Variants in REV3L observed in about 807,000 individuals in gnomAD.
REV3L encodes DNA polymerase zeta catalytic subunit.
In REV3L, 69 loss-of-function variants were observed where a neutral mutation model predicts 299.4. That is an observed-to-expected ratio of 0.23 (90% CI 0.19 to 0.28). REV3L has a LOEUF of 0.28. Among genes scored for constraint, REV3L ranks in the 10% least tolerant of loss-of-function variants. The pLI, the probability that REV3L is intolerant of heterozygous loss-of-function variation, is 1.00. For synonymous variants in REV3L, 1,238 were observed against 1,271.4 expected (o/e 0.97, Z 0.56); for missense variants, 3,128 against 3,693.8 (o/e 0.85, Z 3.97).
At chr6:111,410,457 G>C (rs1395311482) in intron 3 of REV3L, among the ~76,000 whole-genome samples, 1 of 152,144 alleles carries the variant, frequency 6.6e-6, no homozygotes, top group Non-Finnish European at 1.5e-5. Flanking sequence ...GACGAGAAAG[G>C]GAAAAATGAC....
At chr6:111,330,644 A>G (rs887847044) in intron 24 of REV3L, among the ~76,000 whole-genome samples, 7 of 152,206 alleles carry the variant, frequency 4.6e-5, no homozygotes, top group Non-Finnish European at 1.0e-4. Flanking sequence ...GCGACAATGG[A>G]ACATATTCTA....
intron 2 of REV3L, chr6:111,412,190 C>A (rs1784318818): frequency 1.0e-6 from 1 of 985,154 alleles, no homozygotes. Flanking sequence ...TCAAGTGCAT[C>A]CTGTGAAAAA....
chr6:111,402,362 C>G (rs1393614721), intron 4 of REV3L, among the ~76,000 whole-genome samples: 1 of 152,134 alleles, frequency 6.6e-6, no homozygotes, highest in Admixed American at 6.6e-5. Context: ...CTGCGGAGGG[C>G]TCCCACCTGC....
At chr6:111,324,976 C>T (rs1774601639) in intron 25 of REV3L, among the ~76,000 whole-genome samples, 1 of 151,780 alleles carries the variant, frequency 6.6e-6, no homozygotes, top group South Asian at 2.1e-4. Flanking sequence ...ATTCTCCTGC[C>T]TCAGCCTCCC....
chr6:111,459,257 C>A (rs1790487956), intron 1 of REV3L, among the ~76,000 whole-genome samples: 1 of 152,042 alleles, frequency 6.6e-6, no homozygotes, highest in Admixed American at 6.6e-5. Flanking sequence ...GGACTCTTAC[C>A]TATCACCATA....
chr6:111,465,756 A>ACAAACAAACAAAAAAAAAAAAC (rs199912630), intron 1 of REV3L, among the ~76,000 whole-genome samples: 13,665 of 146,870 alleles, frequency 0.093, 913 homozygotes, highest in Middle Eastern at 0.17. Context: ...AAAAAAAAAA[A>ACAAACAAACAAAAAAAAAAAAC]AAAAAAAAAA....
intron 17 of REV3L, 80 bp from the exon 18 acceptor site, chr6:111,357,205 C>T (rs888610728): frequency 4.4e-6 from 2 of 457,388 alleles, no homozygotes; most frequent in Non-Finnish European, 7.0e-6. Context: ...ATATTATCCT[C>T]TACTTTTAAG....
intron 21 of REV3L, among the ~76,000 whole-genome samples, chr6:111,340,669 AGTCAGACTTATTTTTTT>A (rs1776388300): frequency 6.6e-6 from 1 of 152,166 alleles, no homozygotes; most frequent in South Asian, 2.1e-4. Context: ...CAAAAAAGTA[AGTCAGACTTATTTTTTT>A]GTATTCACTT....
intron 30 of REV3L, chr6:111,307,815 A>T (rs1772498198): frequency 2.2e-6 from 1 of 461,542 alleles, no homozygotes. Context: ...TTATTATTAT[A>T]ATTTAAGTTC....
At chr6:111,352,000 GTTTCTTTC>G (rs750894614) in intron 18 of REV3L, among the ~76,000 whole-genome samples, 1 of 151,042 alleles carries the variant, frequency 6.6e-6, no homozygotes, top group Non-Finnish European at 1.5e-5. Flanking sequence ...AAGCTACTTT[GTTTCTTTC>G]TTTCTTTTTT....
At chr6:111,333,862 T>C (rs1775646396) in intron 22 of REV3L, among the ~76,000 whole-genome samples, 1 of 152,254 alleles carries the variant, frequency 6.6e-6, no homozygotes, top group South Asian at 2.1e-4. Flanking sequence ...TTATAAAAAC[T>C]ATAAAACATG....
rs542454254 is a variant in REV3L, at chr6:111,478,248, A to G, written c.139+4502T>C. On this transcript the variant is annotated intron_variant, in intron 1 of 31. Transcript: ENST00000368802. ...TGAATCCTTGCTTTGTCTTATACAC[A>G]TTTCTATAGTCCAGTCATACTGCAT... Among the ~76,000 whole-genome samples, 11 of 152,266 alleles carry G rather than the reference A, an allele frequency of 7.2e-5. No individual in the cohort carries two copies. The East Asian group carries it at 2.1e-3, about 29-fold the overall frequency.
chr6:111,442,508 A>C (rs1460236411), intron 1 of REV3L, among the ~76,000 whole-genome samples: 1 of 152,134 alleles, frequency 6.6e-6, no homozygotes, highest in Non-Finnish European at 1.5e-5. Context: ...CCACTGTTTT[A>C]CTTTCAAACT....
chr6:111,474,168 ATT>A (rs1441333088), intron 1 of REV3L, among the ~76,000 whole-genome samples: 1 of 152,202 alleles, frequency 6.6e-6, no homozygotes, highest in East Asian at 1.9e-4. Context: ...AAAACCAAAC[ATT>A]TTCACATCAA....
chr6:111,470,144 T>C (rs1369679950), intron 1 of REV3L, among the ~76,000 whole-genome samples: 1 of 150,322 alleles, frequency 6.7e-6, no homozygotes, highest in African/African-American at 2.4e-5. Flanking sequence ...AAAAAAAAAA[T>C]GGGTTAAGAG....
chr6:111,477,021 TC>T (rs1180283551), intron 1 of REV3L, among the ~76,000 whole-genome samples: 8 of 152,238 alleles, frequency 5.3e-5, no homozygotes, highest in South Asian at 4.1e-4. Context: ...CTTTTATACT[TC>T]GGTGTATTTT....
Position 111,380,003 on chromosome 6 carries a change from T to A in REV3L, c.1433A>T (p.Glu478Val). Residue 478 changes from glutamate (E) to valine (V), a missense_variant, in exon 11 of 32, where the codon GAA becomes GTA. Physicochemically the swap from Glu to Val is moderately radical, Grantham distance 121. Coordinates refer to ENST00000368802, the MANE Select transcript of REV3L (RefSeq NM_001372078.1). ...VMSQRWDSNI[E>V]EHCAKKRSLC... The stretch of plus-strand genomic sequence containing the variant: ...TTACCTCTTTTTGGCACAATGTTCT[T>A]CAATATTGCTGTCCCATCTCTGGGA... The A allele has an allele frequency of 6.2e-7, 1 of 1,612,124 alleles. No individual in the cohort carries two copies. Among genetic ancestry groups the A allele is most frequent in the Non-Finnish European group, 8.5e-7 (1 of 1,178,594 alleles).
At position 111,375,755 on chromosome 6, in the gene REV3L, G is replaced by A; in HGVS notation, c.2600C>T (p.Pro867Leu). The change falls in exon 13 of 32, where the codon CCT (proline) becomes CTT (leucine). Residue 867 changes from proline (P) to leucine (L), a missense_variant. Physicochemically the swap from Pro to Leu is moderately conservative, Grantham distance 98 (BLOSUM62 -3). Around this residue, in one of 9 missense-constraint regions of REV3L, gnomAD observed 2,409 missense variants for 2,611.8 expected, o/e 0.92. Coordinates refer to ENST00000368802, the MANE Select transcript of REV3L (RefSeq NM_001372078.1). ...ACTAGCCAATGCATTATCCTTCTCA[G>A]GATTACTATTACAAGGATTATTTTG... ...FIQNNPCNSN[P>L]EKDNALASDL... 6.2e-7 allele frequency: 1 copy of A among 1,613,644 alleles called. No homozygotes were observed. The highest frequency in any genetic ancestry group is 1.1e-5 in the South Asian group (1 of 91,042).
chr6:111,427,435 C>T (rs944850477), intron 1 of REV3L, among the ~76,000 whole-genome samples: 1 of 152,054 alleles, frequency 6.6e-6, no homozygotes, highest in Admixed American at 6.5e-5. Context: ...GGTTGTAAAA[C>T]GGTGGTACAG....
Sources: allele counts gnomAD v4.1 joint callset (sites outside exome capture counted in the v4.1 genomes callset), GRCh38; gene constraint gnomAD v4.1.1; regional missense constraint gnomAD v4.1.1; transcripts MANE v1.5; gene names NCBI Gene and HGNC (gene_info 2026-07-23, HGNC 2026-07-21).